The following FAT4 variants were observed in gnomAD, a reference collection of about 807,000 sequenced individuals.
The protein encoded by FAT4 is FAT atypical cadherin 4.
A neutral mutation model predicts 303.9 loss-of-function variants in FAT4; 84 were observed. The observed-to-expected ratio is 0.28, with a 90% CI of 0.23 to 0.33. FAT4 has a LOEUF of 0.33. FAT4 is among the 10% of genes least tolerant of loss of function. The pLI is 1.00. For synonymous variants in FAT4, 2,307 were observed against 2,298.8 expected, an observed-to-expected ratio of 1.00 and a Z score of -0.10; for missense variants, 6,005 against 6,146.8, an observed-to-expected ratio of 0.98 and a Z score of 0.77.
chr4:125,355,401 T>A (rs1012385176), intron 2 of FAT4, among the ~76,000 whole-genome samples: 5 of 152,002 alleles, frequency 3.3e-5, no homozygotes, highest in Admixed American at 2.6e-4. Flanking sequence ...CCAGATATAA[T>A]TCCAAATGCA....
rs1578519536 is a variant in FAT4 at position 125,321,335 on chromosome 4, G to A, written c.4924G>A (p.Glu1642Lys). Residue 1642 changes from glutamate (E) to lysine (K), a missense_variant, in exon 2 of 18, where the codon GAA becomes AAA. Transcript: ENST00000394329. Reference sequence around the variant, plus strand: ...ATATATAACTATTTTGAAGGAAGGAGAACCCATTGGCACAAACGTGATATC... The same window carrying A: ...ATATATAACTATTTTGAAGGAAGGAAAACCCATTGGCACAAACGTGATATC... ...PKYITILKEG[E>K]PIGTNVISIE... 6.2e-7 allele frequency: 1 copy of A among 1,614,140 alleles called. No homozygotes were observed. Among genetic ancestry groups the A allele is most frequent in the South Asian group, 1.1e-5 (1 of 91,084 alleles).
intron 2 of FAT4, among the ~76,000 whole-genome samples, chr4:125,356,998 A>T (rs1394021253): frequency 6.6e-6 from 1 of 151,998 alleles, no homozygotes; most frequent in Non-Finnish European, 1.5e-5. Flanking sequence ...CTTCTATTTT[A>T]ATATCTCAGT....
intron 2 of FAT4, among the ~76,000 whole-genome samples, chr4:125,345,773 T>C (rs1049437758): frequency 2.5e-4 from 38 of 152,204 alleles, no homozygotes; most frequent in Admixed American, 9.8e-4. Flanking sequence ...AATGATCTAG[T>C]TGTCTATATT....
chr4:125,414,683 C>A (rs1734968906), intron 5 of FAT4, among the ~76,000 whole-genome samples: 1 of 152,060 alleles, frequency 6.6e-6, no homozygotes, highest in South Asian at 2.1e-4. Context: ...ATATTTTTCT[C>A]CTCTTTACTT....
At chr4:125,488,343 T>A (rs1727484993) in intron 17 of FAT4, among the ~76,000 whole-genome samples, 2 of 152,200 alleles carry the variant, frequency 1.3e-5, no homozygotes, top group African/African-American at 4.8e-5. Context: ...AATTGAAAAC[T>A]TTAATCACAG....
At chr4:125,341,079 C>A (rs1731774169) in intron 2 of FAT4, among the ~76,000 whole-genome samples, 1 of 152,000 alleles carries the variant, frequency 6.6e-6, no homozygotes, top group African/African-American at 2.4e-5. Context: ...ATTTATTATA[C>A]ATTTAGAAAG....
intron 3 of FAT4, among the ~76,000 whole-genome samples, chr4:125,404,259 A>G (rs1450856685): frequency 1.3e-5 from 2 of 151,732 alleles, no homozygotes; most frequent in Non-Finnish European, 2.9e-5. Context: ...TTGGGCCCCA[A>G]CTGTATTCAC....
intron 17 of FAT4, among the ~76,000 whole-genome samples, chr4:125,488,371 T>C (rs1030384304): frequency 1.3e-5 from 2 of 152,086 alleles, no homozygotes; most frequent in East Asian, 1.9e-4. Context: ...AAGTTAGATA[T>C]GCAGTAATAT....
In FAT4 at chr4:125,452,675, A is replaced by C; in HGVS notation, c.11665A>C (p.Ser3889Arg). 1 of 1,614,152 alleles carries C rather than the reference A, an allele frequency of 6.2e-7. No homozygotes were observed. The highest frequency in any genetic ancestry group is 1.1e-5 in the South Asian group (1 of 91,082). Residue 3889 changes from serine (S) to arginine (R), a missense_variant, in exon 10 of 18, where the codon AGC becomes CGC. By Grantham distance (110) the Ser-to-Arg change is moderately radical. Transcript: ENST00000394329. ...CAATTTAGTGGGAGGATTTTCATGC[A>C]GCTGCCCAGATGGCTTCACTGGTAG... ...CHNLVGGFSC[S>R]CPDGFTGRAC...
In FAT4 at chr4:125,469,636, C is replaced by T. The variant is rs1372697651; in HGVS notation, c.12213+817C>T. ...GCTTCCTTTGTTTATCCCTAAGAAG[C>T]AGCTTCTCATCCTTTCATGTTTGTT... On this transcript the variant is annotated intron_variant, in intron 12 of 17. Coordinates refer to ENST00000394329, the MANE Select transcript of FAT4 (RefSeq NM_001291303.3). Among the ~76,000 whole-genome samples the T allele has an allele frequency of 6.6e-5, 10 of 152,168 alleles. 1 individual carries two copies. In the East Asian group the frequency reaches 1.9e-3, roughly 29 times the overall value.
At chr4:125,343,443 C>G (rs1731877258) in intron 2 of FAT4, among the ~76,000 whole-genome samples, 9 of 151,952 alleles carry the variant, frequency 5.9e-5, no homozygotes, top group Admixed American at 5.9e-4. Flanking sequence ...TGTTTTGGCC[C>G]CTAAATCAGT....
At chr4:125,382,386 C>G (rs1733575034) in intron 2 of FAT4, among the ~76,000 whole-genome samples, 2 of 152,202 alleles carry the variant, frequency 1.3e-5, no homozygotes, top group African/African-American at 2.4e-5. Context: ...ACATTAATCT[C>G]TTTGCACATC....
chr4:125,395,236 T>C (rs957205463), intron 2 of FAT4, among the ~76,000 whole-genome samples: 2 of 152,118 alleles, frequency 1.3e-5, no homozygotes, highest in Admixed American at 1.3e-4. Context: ...AACTGTGGAG[T>C]AGAGAAAAGG....
chr4:125,358,250 T>C (rs1378025979), intron 2 of FAT4, among the ~76,000 whole-genome samples: 1 of 152,056 alleles, frequency 6.6e-6, no homozygotes, highest in African/African-American at 2.4e-5. Flanking sequence ...CCCAACCTTT[T>C]TGGCACCAGG....
intron 2 of FAT4, among the ~76,000 whole-genome samples, chr4:125,347,881 T>C (rs1289372706): frequency 6.6e-6 from 1 of 151,834 alleles, no homozygotes; most frequent in African/African-American, 2.4e-5. Context: ...GCCAGTTTAA[T>C]TGGATTTATC....
In FAT4 at chr4:125,490,744, A is replaced by G. The variant is rs1323442146; in HGVS notation, c.13928A>G (p.Gln4643Arg). ...SDADIIQHYK[Q>R]FRSHTPKFSI... ...GCAGACATCATTCAACACTACAAGC[A>G]GTTCCGCAGCCACACACCAAAATTT... Residue 4643 changes from glutamine (Q) to arginine (R), a missense_variant, in exon 18 of 18, where the codon CAG (glutamine) becomes CGG (arginine). By Grantham distance (43) the Gln-to-Arg change is conservative. Coordinates refer to ENST00000394329, the MANE Select transcript of FAT4 (RefSeq NM_001291303.3). 1.2e-6 allele frequency: 2 copies of G among 1,613,992 alleles called. No individual in the cohort carries two copies. The highest frequency in any genetic ancestry group is 4.5e-5 in the East Asian group (2 of 44,846).
At chr4:125,396,226 C>T (rs1292529790) in intron 2 of FAT4, among the ~76,000 whole-genome samples, 1 of 151,912 alleles carries the variant, frequency 6.6e-6, no homozygotes, top group African/African-American at 2.4e-5. Flanking sequence ...AGATAAAGTT[C>T]TTAGGTCATA....
chr4:125,329,565 A>G (rs771208341), intron 2 of FAT4, among the ~76,000 whole-genome samples: 1 of 152,068 alleles, frequency 6.6e-6, no homozygotes, highest in Non-Finnish European at 1.5e-5. Flanking sequence ...TTTTTACTCT[A>G]TACTCATTCC....
rs573138581 is a variant in FAT4 at position 125,426,631 on chromosome 4, A to G, written c.7019-7614A>G. On this transcript the variant is annotated intron_variant, in intron 7 of 17. Coordinates refer to ENST00000394329, the MANE Select transcript of FAT4 (RefSeq NM_001291303.3). The stretch of plus-strand genomic sequence containing the variant: ...AAAAAATATTTCTACATAGAATTTT[A>G]TTTGTGTTTTCTTAAGATAAAACTC... 3.5e-4 allele frequency among the ~76,000 whole-genome samples: 54 copies of G among 152,134 alleles called. 1 individual carries two copies. Among genetic ancestry groups the G allele is most frequent in the African/African-American group, 1.2e-3 (51 of 41,578 alleles).
Sources: gnomAD v4.1 joint callset for allele counts (sites outside exome capture counted in the v4.1 genomes callset) on GRCh38, gnomAD v4.1.1 for gene constraint, MANE v1.5 for transcripts, NCBI Gene and HGNC (gene_info 2026-07-23, HGNC 2026-07-21) for gene names.